The following RAB37 variants were observed in gnomAD, a reference collection of about 807,000 sequenced individuals.
The protein encoded by RAB37 is RAB37, member RAS oncogene family, also known as ras-related protein Rab-37.
Under a neutral mutation model 33.1 loss-of-function variants are expected in RAB37, and 29 were observed. The ratio of observed to expected loss-of-function variants is 0.88; its 90% CI spans 0.65 to 1.20. RAB37 has a LOEUF of 1.20. RAB37 is among the 50% of genes most tolerant of loss of function. The pLI, the probability that RAB37 is intolerant of heterozygous loss-of-function variation, is 0.00. For synonymous variants in RAB37, 128 were observed against 119.5 expected (o/e 1.07, Z -0.47); for missense variants, 299 against 301.1 (o/e 0.99, Z 0.05).
upstream of RAB37, chr17:74,736,819 C>T: frequency 2.0e-6 from 3 of 1,534,208 alleles, no homozygotes; most frequent in Non-Finnish European, 2.6e-6. Context: ...GGGCCATCGG[C>T]GGAGGCGCAG....
At chr17:74,732,598 GGT>G (rs1447533646), upstream of RAB37, among the ~76,000 whole-genome samples, 14 of 151,058 alleles carry the variant, frequency 9.3e-5, no homozygotes, top group Admixed American at 5.3e-4. Context: ...TGTATGGTGA[GGT>G]GTGTGTGTCT....
At position 74,712,798 on chromosome 17, in the gene RAB37, A is replaced by G. The variant is rs749927438; in HGVS notation, c.73-16458A>G. The G allele has an allele frequency of 6.2e-6, 10 of 1,613,510 alleles. No homozygotes were observed. The African/African-American group carries it at 1.1e-4, about 17-fold the overall frequency. On this transcript the variant is annotated intron_variant, in intron 1 of 7. Coordinates refer to the RAB37 transcript ENST00000340415. ...CTCCTCCTGCTTGCTAAGCTTCCCC[A>G]AGAAGACAGACCCAGGCCCGCTCAC... is the stretch of plus-strand genomic sequence containing the variant.
At chr17:74,703,159 G>T in intron 1 of RAB37, 1 of 1,606,230 alleles carries the variant, frequency 6.2e-7, no homozygotes, top group East Asian at 2.2e-5. Flanking sequence ...GTTGATGCTT[G>T]GTGTATAAAC....
At chr17:74,741,699 GACGCTGCAC>G (rs1281127288) in intron 2 of RAB37, among the ~76,000 whole-genome samples, 1 of 152,048 alleles carries the variant, frequency 6.6e-6, no homozygotes, top group Non-Finnish European at 1.5e-5. Context: ...AGGGATGCTA[GACGCTGCAC>G]ACCTGAAGTG....
chr17:74,702,757 C>T (rs548970683), intron 1 of RAB37, among the ~76,000 whole-genome samples: 9 of 152,282 alleles, frequency 5.9e-5, no homozygotes, highest in East Asian at 5.8e-4. Flanking sequence ...GAGCTCAGCA[C>T]GGTGCAGCCA....
At chr17:74,734,483 A>G (rs1419871259), upstream of RAB37, among the ~76,000 whole-genome samples, 2 of 152,164 alleles carry the variant, frequency 1.3e-5, no homozygotes, top group African/African-American at 4.8e-5. Context: ...TTACAGTAGA[A>G]GGTGAGCATG....
chr17:74,697,825 T>C (rs984688175), intron 1 of RAB37, among the ~76,000 whole-genome samples: 2 of 152,192 alleles, frequency 1.3e-5, no homozygotes, highest in African/African-American at 4.8e-5. Context: ...GCCATTCCAA[T>C]TTCCTGATCA....
intron 1 of RAB37, chr17:74,705,191 C>T (rs989745278): frequency 7.2e-6 from 5 of 698,328 alleles, no homozygotes; most frequent in Admixed American, 4.0e-5. Flanking sequence ...GACCCCTTTC[C>T]ACAGGGTCTT....
intron 1 of RAB37, chr17:74,712,781 G>A: frequency 4.3e-6 from 7 of 1,610,996 alleles, no homozygotes; most frequent in Non-Finnish European, 5.9e-6. Context: ...ACCTCCTCCT[G>A]CTTGCTAAGC....
At chr17:74,694,894 G>A in intron 1 of RAB37, 4 of 516,726 alleles carry the variant, frequency 7.7e-6, no homozygotes, top group South Asian at 3.2e-5. Context: ...TAGGAGAGGA[G>A]GGGACGTTTA....
Position 74,744,236 on chromosome 17 carries a change from G to A in RAB37, c.367-72G>A, listed in dbSNP as rs971421749. On this transcript the variant is annotated intron_variant, in intron 5 of 8. Coordinates refer to ENST00000392613, the MANE Select transcript of RAB37 (RefSeq NM_001006638.3). The surrounding 1 kb of genome is among the most constrained non-coding windows in gnomAD (Gnocchi z 4.2). The stretch of plus-strand genomic sequence containing the variant: ...TCAAGGTAGTGAGTAACTGAGGATA[G>A]TCAAACGGAGCAGAAGAAGAAAGGG... The A allele has an allele frequency of 8.4e-6, 12 of 1,433,578 alleles. 1 individual carries two copies. The African/African-American group carries it at 9.8e-5, about 12-fold the overall frequency. The allele number at this position is 1,433,578 out of a possible 1,614,324, so 88.8% of individuals were successfully genotyped here.
chr17:74,720,197 G>A (rs1019891518), intron 1 of RAB37, among the ~76,000 whole-genome samples: 19 of 152,194 alleles, frequency 1.2e-4, no homozygotes, highest in Admixed American at 3.3e-4. Context: ...TCAGCCCCTC[G>A]TGAGAGGGAG....
At chr17:74,722,541 A>C (rs920420471) in intron 1 of RAB37, among the ~76,000 whole-genome samples, 3 of 152,228 alleles carry the variant, frequency 2.0e-5, no homozygotes, top group Admixed American at 6.5e-5. Context: ...GATGTTAACA[A>C]CATCAACAAA....
chr17:74,718,249 G>A (rs1166795343), intron 1 of RAB37, among the ~76,000 whole-genome samples: 2 of 152,152 alleles, frequency 1.3e-5, no homozygotes, highest in African/African-American at 2.4e-5. Context: ...AGCCAAGATC[G>A]TGCCATTGCA....
chr17:74,693,830 G>A (rs2032215971), intron 1 of RAB37, among the ~76,000 whole-genome samples: 1 of 152,012 alleles, frequency 6.6e-6, no homozygotes, highest in African/African-American at 2.4e-5. Flanking sequence ...TTGGGAGACT[G>A]AGGCAAGAGA....
intron 1 of RAB37, among the ~76,000 whole-genome samples, chr17:74,724,923 G>A (rs1008479837): frequency 6.6e-6 from 1 of 152,158 alleles, no homozygotes; most frequent in Non-Finnish European, 1.5e-5. Flanking sequence ...GGGCTCAAAG[G>A]CCTGACAATA....
chr17:74,743,113 T>C lies in RAB37; in HGVS notation c.247-16T>C. ...CTGCCTCCTTCTGACCATTTCTCCA[T>C]CCCATCCCTTCCCAGATCTGGGACA... On this transcript the variant is annotated splice_polypyrimidine_tract_variant and intron_variant, in intron 3 of 8. Transcript: ENST00000392613. The C allele has an allele frequency of 1.2e-6, 2 of 1,610,832 alleles. No homozygotes were observed. Among genetic ancestry groups the C allele is most frequent in the South Asian group, 2.2e-5 (2 of 90,868 alleles).
chr17:74,706,120 G>T (rs1370898386), intron 1 of RAB37, among the ~76,000 whole-genome samples: 1 of 151,988 alleles, frequency 6.6e-6, no homozygotes, highest in Admixed American at 6.6e-5. Context: ...GGAGGGAAGG[G>T]AGCAAGCACT....
chr17:74,696,695 C>T (rs944517680), intron 1 of RAB37, among the ~76,000 whole-genome samples: 4 of 152,208 alleles, frequency 2.6e-5, no homozygotes, highest in Non-Finnish European at 4.4e-5. Context: ...TCATCATCTT[C>T]GTCCTACTGA....
Sources: gnomAD v4.1 joint callset for allele counts (sites outside exome capture counted in the v4.1 genomes callset) on GRCh38, gnomAD v4.1.1 for gene constraint, Gnocchi (gnomAD v3.1) non-coding constraint, MANE v1.5 for transcripts, NCBI Gene and HGNC (gene_info 2026-07-23, HGNC 2026-07-21) for gene names.